DOCK8: variants seen among roughly 807,000 people sequenced by gnomAD.
The protein encoded by DOCK8 is dedicator of cytokinesis 8.
DOCK8 carries 141 observed loss-of-function variants against 245.6 expected under a neutral mutation model. The observed-to-expected ratio is 0.57, with a 90% CI of 0.50 to 0.66. The LOEUF (loss-of-function observed/expected upper bound fraction) is 0.66. DOCK8 is among the 30% of genes least tolerant of loss of function. The pLI is 0.00. For synonymous variants in DOCK8, 1,168 were observed against 970.2 expected (o/e 1.20, Z -3.79); for missense variants, 2,965 against 2,603.4 (o/e 1.14, Z -3.02).
chr9:418,156 A>T lies in DOCK8; in HGVS notation c.3789A>T (p.Ile1263=). 1 of 1,614,250 alleles carries T rather than the reference A, an allele frequency of 6.2e-7. No homozygotes were observed. The highest frequency in any genetic ancestry group is 8.5e-7 in the Non-Finnish European group (1 of 1,180,036). ...GAINQNVALA[I]AGNNFNLKTS... is the part of the protein sequence containing the mutation. ...TTAACCAGAATGTGGCTCTGGCCAT[A>T]GCAGGGAATAATTTCAATTTGAAAA... The change falls in exon 30 of 48, where the codon ATA becomes ATT. Residue 1263 remains isoleucine, a synonymous_variant. Transcript: ENST00000432829.
intron 26 of DOCK8, among the ~76,000 whole-genome samples, chr9:400,373 CCTT>C (rs1206618057): frequency 1.3e-5 from 1 of 76,868 alleles, no homozygotes; most frequent in Non-Finnish European, 2.7e-5. Context: ...ATCACCACCT[CCTT>C]CACCATCACC....
intron 2 of DOCK8, among the ~76,000 whole-genome samples, chr9:272,394 T>C (rs892908593): frequency 2.0e-5 from 3 of 152,102 alleles, no homozygotes; most frequent in Non-Finnish European, 4.4e-5. Context: ...ACAAACCTTC[T>C]TTTTTTGAGA....
At chr9:422,463 T>A (rs1586986931) in intron 33 of DOCK8, among the ~76,000 whole-genome samples, 1 of 152,238 alleles carries the variant, frequency 6.6e-6, no homozygotes, top group African/African-American at 2.4e-5. Context: ...CCTAGGACCG[T>A]ATACTTTCAA....
intron 1 of DOCK8, among the ~76,000 whole-genome samples, chr9:217,138 A>G (rs1212637858): frequency 1.3e-5 from 2 of 152,172 alleles, no homozygotes; most frequent in Admixed American, 6.5e-5. Context: ...AAATAATGCA[A>G]AATGTCTTGT....
At chr9:334,510 T>A in intron 11 of DOCK8, 126 bp downstream of exon 11, 1 of 1,027,884 alleles carries the variant, frequency 9.7e-7, no homozygotes, top group Non-Finnish European at 1.4e-6. Flanking sequence ...AGGAGATAAA[T>A]AGAATGAAAC....
intron 23 of DOCK8, among the ~76,000 whole-genome samples, chr9:388,356 C>T (rs190009556): frequency 1.8e-3 from 267 of 152,278 alleles, no homozygotes; most frequent in African/African-American, 6.2e-3. Flanking sequence ...GAAGTGAAAC[C>T]AGTCGATAAG....
At chr9:344,157 A>G (rs944322338) in intron 14 of DOCK8, among the ~76,000 whole-genome samples, 1 of 152,228 alleles carries the variant, frequency 6.6e-6, no homozygotes, top group Non-Finnish European at 1.5e-5. Context: ...CCTGTTAGAA[A>G]CCAGGTCTTG....
intron 4 of DOCK8, among the ~76,000 whole-genome samples, chr9:294,714 G>A (rs1247384990): frequency 6.6e-6 from 1 of 152,134 alleles, no homozygotes; most frequent in African/African-American, 2.4e-5. Context: ...GCCAAAAACT[G>A]GAAGAAAACC....
At position 399,262 on chromosome 9, in the gene DOCK8, G is replaced by A. The variant is rs780828755; in HGVS notation, c.3234+3G>A. 2.5e-6 allele frequency: 4 copies of A among 1,603,840 alleles called. No homozygotes were observed. The highest frequency in any genetic ancestry group is 3.4e-6 in the Non-Finnish European group (4 of 1,175,654). ...TCATCAGACATTATTGCAGCCAGGT[G>A]AGTGTCCCCCCCACCCCCACCCCCG... On this transcript the variant is annotated splice_donor_region_variant and intron_variant, in intron 26 of 47. Transcript: ENST00000432829.
intron 14 of DOCK8, among the ~76,000 whole-genome samples, chr9:358,030 A>C (rs1038968157): frequency 6.6e-6 from 1 of 152,202 alleles, no homozygotes; most frequent in African/African-American, 2.4e-5. Context: ...GGACACAGCA[A>C]ATGTTTTGGG....
chr9:326,626 T>C (rs556952933), intron 8 of DOCK8, among the ~76,000 whole-genome samples: 77 of 152,320 alleles, frequency 5.1e-4, no homozygotes, highest in Non-Finnish European at 8.1e-4. Flanking sequence ...GAAGTTGCTG[T>C]CTTTGTTTCT....
chr9:441,413 A>G lies in DOCK8; in HGVS notation c.5351A>G (p.Asn1784Ser). The change falls in exon 41 of 48, where the codon AAC becomes AGC. Residue 1784 changes from asparagine (N) to serine (S), a missense_variant. By Grantham distance (46) the Asn-to-Ser change is conservative. Around this residue, in one of 3 missense-constraint regions of DOCK8, gnomAD observed 2,825 missense variants for 2,453.5 expected, o/e 1.15. Transcript: ENST00000432829. ...KLQRAFDSIV[N>S]KDHKRMFGTY... ...CAGAGAGCCTTCGACAGCATCGTTA[A>G]CAAGGTAGCCGGGGAGCCTGGCTGG... 1 of 1,614,174 alleles carries G rather than the reference A, an allele frequency of 6.2e-7. No homozygotes were observed. Among genetic ancestry groups the G allele is most frequent in the East Asian group, 2.2e-5 (1 of 44,870 alleles).
At chr9:312,603 A>G in intron 6 of DOCK8, 1 of 363,628 alleles carries the variant, frequency 2.8e-6, no homozygotes, top group Non-Finnish European at 5.4e-6. Flanking sequence ...ATGAGCAACC[A>G]GAGAGACCTG....
chr9:351,402 T>C (rs968709222), intron 14 of DOCK8, among the ~76,000 whole-genome samples: 6 of 152,074 alleles, frequency 3.9e-5, no homozygotes, highest in African/African-American at 7.2e-5. Context: ...CAGTAGGGAG[T>C]GCCTTTCTCA....
intron 1 of DOCK8, among the ~76,000 whole-genome samples, chr9:233,549 A>T (rs1161931455): frequency 1.3e-5 from 2 of 151,386 alleles, no homozygotes; most frequent in Middle Eastern, 3.4e-3. Context: ...TTTGTAGGTC[A>T]CTAAGGACTT....
In DOCK8 at chr9:464,248, T is replaced by C. The variant is rs765524213; in HGVS notation, c.*29T>C. The C allele has an allele frequency of 1.9e-6, 3 of 1,598,292 alleles. No individual in the cohort carries two copies. In the South Asian group the frequency reaches 3.3e-5, roughly 18 times the overall value. ...AAGCCATCTTCATTCGTGGAGACTG[T>C]GGCCCTGCAACCCTGGAGAAGGACT... is the stretch of plus-strand genomic sequence containing the variant. On this transcript the variant is annotated 3_prime_UTR_variant, in exon 48 of 48. Transcript: ENST00000432829.
chr9:403,962 ATATATATATATATGTG>A (rs1304036007), intron 26 of DOCK8, among the ~76,000 whole-genome samples: 12 of 66,170 alleles, frequency 1.8e-4, no homozygotes, highest in African/African-American at 4.9e-4. Flanking sequence ...ATATATATGT[ATATATATATATATGTG>A]TATATATATA....
intron 33 of DOCK8, among the ~76,000 whole-genome samples, chr9:424,751 G>A (rs568398404): frequency 6.6e-6 from 1 of 152,254 alleles, no homozygotes; most frequent in Non-Finnish European, 1.5e-5. Flanking sequence ...TGTTAGTGAT[G>A]GTTGCACAAT....
chr9:449,450 T>A lies in DOCK8; in HGVS notation c.5818-334T>A, dbSNP rs2057363244. On this transcript the variant is annotated intron_variant, in intron 44 of 47. Coordinates refer to ENST00000432829, the MANE Select transcript of DOCK8 (RefSeq NM_203447.4). ...AAAACATGGACTTTGAAGATAGACATACTTGTGATCGAATTATGACCTCCT... is the reference window on the plus strand; with the variant it reads ...AAAACATGGACTTTGAAGATAGACAAACTTGTGATCGAATTATGACCTCCT... 2.6e-5 allele frequency among the ~76,000 whole-genome samples: 4 copies of A among 152,296 alleles called. No individual in the cohort carries two copies. In the South Asian group the frequency reaches 8.3e-4, roughly 32 times the overall value.
Sources: allele counts gnomAD v4.1 joint callset (sites outside exome capture counted in the v4.1 genomes callset), GRCh38; gene constraint gnomAD v4.1.1; regional missense constraint gnomAD v4.1.1; transcripts MANE v1.5; gene names NCBI Gene and HGNC (gene_info 2026-07-23, HGNC 2026-07-21).